The following ZNF608 variants were observed in gnomAD, a reference collection of about 807,000 sequenced individuals.
ZNF608 encodes renal carcinoma antigen NY-REN-36.
A neutral mutation model predicts 109.0 loss-of-function variants in ZNF608; 12 were observed. The ratio of observed to expected loss-of-function variants is 0.11; its 90% CI spans 0.07 to 0.18. The LOEUF (loss-of-function observed/expected upper bound fraction) is 0.18, where lower values mean the gene tolerates loss of function less well. ZNF608 is among the 10% of genes least tolerant of loss of function. ZNF608 has a pLI of 1.00. For missense variants in ZNF608, 1,707 were observed against 1,879.3 expected, an observed-to-expected ratio of 0.91 and a Z score of 1.70; for synonymous variants, 732 against 717.4, an observed-to-expected ratio of 1.02 and a Z score of -0.33.
intron 3 of ZNF608, among the ~76,000 whole-genome samples, chr5:124,667,310 A>T (rs1218672705): frequency 6.6e-6 from 1 of 152,196 alleles, no homozygotes; most frequent in Non-Finnish European, 1.5e-5. Context: ...ACTGATCCCA[A>T]CTACATGTGT....
intron 7 of ZNF608, among the ~76,000 whole-genome samples, 162 bp downstream of exon 7, chr5:124,643,349 G>A (rs1750333059): frequency 2.0e-5 from 3 of 152,206 alleles, no homozygotes; most frequent in African/African-American, 2.4e-5. Flanking sequence ...GTGTGAAAGC[G>A]TCTTACTTTT....
At chr5:124,748,020 T>C (rs771058528), upstream of ZNF608, among the ~76,000 whole-genome samples, 12 of 152,214 alleles carry the variant, frequency 7.9e-5, no homozygotes, top group Non-Finnish European at 1.2e-4. Context: ...ATGGTATTTT[T>C]GTTGCTTGCT....
chr5:124,693,974 CTTTT>C lies in ZNF608; in HGVS notation c.1162+7036_1162+7039del, dbSNP rs746610497. On this transcript the variant is annotated intron_variant, in intron 3 of 9. Coordinates refer to ENST00000513986, the MANE Select transcript of ZNF608 (RefSeq NM_020747.3). ...GTGAAGCTGGTAACATTTCATTAAT[CTTTT>C]TTTTTTTTTTTTTTTGAGAGAGAGT... Among the ~76,000 whole-genome samples the C allele has an allele frequency of 1.1e-4, 7 of 60,968 alleles. 1 individual carries two copies. The highest frequency in any genetic ancestry group is 4.5e-4 in the African/African-American group (6 of 13,222). The allele number at this position is 60,968 out of a possible 152,430, so 40.0% of individuals were successfully genotyped here.
chr5:124,695,032 G>A (rs1341995004), intron 3 of ZNF608, among the ~76,000 whole-genome samples: 5 of 152,082 alleles, frequency 3.3e-5, no homozygotes, highest in Non-Finnish European at 7.4e-5. Flanking sequence ...TCATTAGCAT[G>A]GTAATTAAAC....
At chr5:124,668,859 G>A (rs1232629880) in intron 3 of ZNF608, among the ~76,000 whole-genome samples, 1 of 152,108 alleles carries the variant, frequency 6.6e-6, no homozygotes, top group Middle Eastern at 3.2e-3. Context: ...AATACACTAG[G>A]CAATAACCAA....
rs1454527232 is a variant in ZNF608, at chr5:124,666,707, CTCTGTG to C, written c.1163-17016_1163-17011del. On this transcript the variant is annotated intron_variant, in intron 3 of 9. Transcript: ENST00000513986. ...AATATCAAAATACAAACTGGGTTTG[CTCTGTG>C]TGTGTGTGTGTGTGTGTGTGTGTGT... is the stretch of plus-strand genomic sequence containing the variant. Among the ~76,000 whole-genome samples, 419 of 126,820 alleles carry C rather than the reference CTCTGTG, an allele frequency of 3.3e-3. 3 individuals are homozygous for C. Among genetic ancestry groups the C allele is most frequent in the African/African-American group, 0.012 (381 of 32,406 alleles). 83.2% of individuals were successfully genotyped at this position (126,820 alleles called of 152,430 possible).
upstream of ZNF608, among the ~76,000 whole-genome samples, chr5:124,747,422 G>A (rs1341607123): frequency 6.6e-6 from 1 of 151,868 alleles, no homozygotes; most frequent in Non-Finnish European, 1.5e-5. Flanking sequence ...GCTGGGAGAG[G>A]GGGATGGGCG....
rs143501691 is a variant in ZNF608 at position 124,717,893 on chromosome 5, G to A, written c.907-16624C>T. The stretch of plus-strand genomic sequence containing the variant: ...AGGCAAGTGTCCCTATAGGGGCAGC[G>A]AAGGAGGAAAATGAATCCTATGGCT... On this transcript the variant is annotated intron_variant, in intron 2 of 9. Transcript: ENST00000513986. Among the ~76,000 whole-genome samples, 16 of 152,302 alleles carry A rather than the reference G, an allele frequency of 1.1e-4. 1 individual carries two copies. The Middle Eastern group carries it at 0.01, about 97-fold the overall frequency.
intron 2 of ZNF608, among the ~76,000 whole-genome samples, chr5:124,721,157 A>G (rs1258052602): frequency 6.6e-6 from 1 of 152,208 alleles, no homozygotes; most frequent in Non-Finnish European, 1.5e-5. Flanking sequence ...CAGGTGCAAT[A>G]TAACTGATTA....
intron 2 of ZNF608, among the ~76,000 whole-genome samples, chr5:124,705,179 T>C (rs1366566966): frequency 6.6e-6 from 1 of 152,204 alleles, no homozygotes. Flanking sequence ...ATCCATACAC[T>C]GAACCATAAT....
At chr5:124,736,560 A>G (rs1749158039) in intron 2 of ZNF608, among the ~76,000 whole-genome samples, 1 of 152,186 alleles carries the variant, frequency 6.6e-6, no homozygotes, top group Admixed American at 6.5e-5. Context: ...CTGAATCCAA[A>G]CACATGATGA....
At chr5:124,713,198 A>G (rs1473052914) in intron 2 of ZNF608, among the ~76,000 whole-genome samples, 1 of 152,136 alleles carries the variant, frequency 6.6e-6, no homozygotes, top group East Asian at 1.9e-4. Flanking sequence ...CTAGTTCCCT[A>G]AGGTGGTTCC....
intron 3 of ZNF608, among the ~76,000 whole-genome samples, chr5:124,651,523 T>G (rs1750774237): frequency 6.6e-6 from 1 of 152,268 alleles, no homozygotes; most frequent in Admixed American, 6.5e-5. Context: ...GCTGAATCAC[T>G]GCGTTCCAGA....
intron 7 of ZNF608, 91 bp downstream of exon 7, chr5:124,643,420 G>T: frequency 7.5e-7 from 1 of 1,324,782 alleles, no homozygotes. Flanking sequence ...GCTGGGTTCC[G>T]AAACCATTTA....
At chr5:124,691,749 T>C (rs1342309713) in intron 3 of ZNF608, among the ~76,000 whole-genome samples, 2 of 152,210 alleles carry the variant, frequency 1.3e-5, no homozygotes, top group South Asian at 4.1e-4. Flanking sequence ...ATATATGATG[T>C]ATCTAAAGTA....
chr5:124,681,532 G>A (rs1423130706), intron 3 of ZNF608, among the ~76,000 whole-genome samples: 1 of 152,102 alleles, frequency 6.6e-6, no homozygotes, highest in Non-Finnish European at 1.5e-5. Context: ...TTGAGGCCAG[G>A]AGTTCAAGAC....
chr5:124,710,340 G>A (rs150868004), intron 2 of ZNF608: 138 of 387,930 alleles, frequency 3.6e-4, no homozygotes, highest in African/African-American at 2.7e-3. Flanking sequence ...CACCTAAAAG[G>A]AGTATTTTCA....
chr5:124,738,197 A>C (rs1487331223), intron 2 of ZNF608, among the ~76,000 whole-genome samples: 3 of 152,176 alleles, frequency 2.0e-5, no homozygotes, highest in African/African-American at 7.2e-5. Flanking sequence ...CAGGGAGCTC[A>C]CCTGTTCTCC....
intron 3 of ZNF608, among the ~76,000 whole-genome samples, chr5:124,672,398 A>G (rs771388426): frequency 3.3e-5 from 5 of 152,240 alleles, no homozygotes; most frequent in Non-Finnish European, 5.9e-5. Context: ...ATGAATCTCT[A>G]AAGAACTAAT....
Sources: gnomAD v4.1 joint callset for allele counts (sites outside exome capture counted in the v4.1 genomes callset) on GRCh38, gnomAD v4.1.1 for gene constraint, MANE v1.5 for transcripts, NCBI Gene and HGNC (gene_info 2026-07-23, HGNC 2026-07-21) for gene names.